The following SKIL variants were observed in gnomAD, a reference collection of about 807,000 sequenced individuals.
SKIL encodes the protein ski-like protein.
In SKIL, 20 loss-of-function variants were observed where a neutral mutation model predicts 69.6. The ratio of observed to expected loss-of-function variants is 0.29; its 90% CI spans 0.20 to 0.42. The LOEUF (loss-of-function observed/expected upper bound fraction) is 0.42, where lower values mean the gene tolerates loss of function less well. Ranked by LOEUF, SKIL falls within the 10% of genes least tolerant of loss-of-function variation. The pLI, the probability that SKIL is intolerant of heterozygous loss-of-function variation, is 1.00. For missense variants in SKIL, 745 were observed against 783.1 expected, an observed-to-expected ratio of 0.95 and a Z score of 0.58; for synonymous variants, 310 against 279.9, an observed-to-expected ratio of 1.11 and a Z score of -1.08.
At chr3:170,366,696 G>GACAC (rs376902100) in intron 2 of SKIL, among the ~76,000 whole-genome samples, 3,388 of 147,312 alleles carry the variant, frequency 0.023, 101 homozygotes, top group African/African-American at 0.068. Flanking sequence ...CACACACACA[G>GACAC]ACACACACAC....
chr3:170,384,998 C>T lies in SKIL; in HGVS notation c.1429+233C>T. 6.7e-6 allele frequency: 2 copies of T among 300,596 alleles called. 1 individual carries two copies. Among genetic ancestry groups the T allele is most frequent in the East Asian group, 1.1e-4 (2 of 17,396 alleles). 18.6% of individuals were successfully genotyped at this position (300,596 alleles called of 1,614,324 possible). ...TAGATACAGGCTACCTGGCCTCAGA[C>T]TGCAAGTTATTTTTGTCCGAATTTT... On this transcript the variant is annotated intron_variant, in intron 4 of 6. Transcript: ENST00000259119.
At chr3:170,359,148 A>T (rs929617721) in intron 1 of SKIL, among the ~76,000 whole-genome samples, 3 of 152,196 alleles carry the variant, frequency 2.0e-5, no homozygotes, top group African/African-American at 7.2e-5. Flanking sequence ...TCATATTCTG[A>T]ACTCGAAAGG....
At chr3:170,358,321 G>C (rs1054585264) in intron 1 of SKIL, among the ~76,000 whole-genome samples, 20 of 151,886 alleles carry the variant, frequency 1.3e-4, no homozygotes, top group Admixed American at 8.5e-4. Context: ...CGGCCCCCGC[G>C]GGGGGGCGGT....
At position 170,392,392 on chromosome 3, in the gene SKIL, A is replaced by T; in HGVS notation, c.2030A>T (p.Lys677Ile). 1.2e-6 allele frequency: 2 copies of T among 1,611,670 alleles called. No homozygotes were observed. The highest frequency in any genetic ancestry group is 1.7e-6 in the Non-Finnish European group (2 of 1,178,250). The change falls in exon 7 of 7, where the codon AAA becomes ATA. Residue 677 changes from lysine to isoleucine, a missense_variant. Transcript: ENST00000259119. ...AAAGAGCTAAAGCTGCAAATTCTGA[A>T]ATCATCAAAGACTGCTAAAGAATAG... The part of the protein sequence containing the change: ...MIKELKLQIL[K>I]SSKTAKE
At chr3:170,362,730 G>T (rs1736304873) in intron 2 of SKIL, among the ~76,000 whole-genome samples, 1 of 151,272 alleles carries the variant, frequency 6.6e-6, no homozygotes, top group Non-Finnish European at 1.5e-5. Flanking sequence ...CAGGAGAATC[G>T]CTTGAACCTG....
intron 4 of SKIL, 38 bp downstream of exon 4, chr3:170,384,803 C>T: frequency 9.5e-7 from 1 of 1,049,620 alleles, no homozygotes. Context: ...AATTAAATAT[C>T]TAATGAACAC....
intron 2 of SKIL, among the ~76,000 whole-genome samples, chr3:170,377,728 G>A (rs1279462599): frequency 7.3e-6 from 1 of 136,670 alleles, no homozygotes; most frequent in Non-Finnish European, 1.6e-5. Flanking sequence ...TTTTTTTTTT[G>A]TATTTTTAGT....
Position 170,392,479 on chromosome 3 carries a change from T to G in SKIL, c.*62T>G. ...AGGTTTTTTTTGTTTGTTGCTTGCTTTGGTAATTGAATTCTGAAGAATTTA... is the reference window on the plus strand; with the variant it reads ...AGGTTTTTTTTGTTTGTTGCTTGCTGTGGTAATTGAATTCTGAAGAATTTA... On this transcript the variant is annotated 3_prime_UTR_variant, in exon 7 of 7. Transcript: ENST00000259119. The G allele has an allele frequency of 9.3e-7, 1 of 1,076,216 alleles. No individual in the cohort carries two copies. Among genetic ancestry groups the G allele is most frequent in the Non-Finnish European group, 1.3e-6 (1 of 759,468 alleles). The allele number at this position is 1,076,216 out of a possible 1,614,324, so 66.7% of individuals were successfully genotyped here. A position where few individuals can be genotyped will look rare whatever the true frequency, so the allele number is the denominator to read the frequency against.
chr3:170,371,484 G>A, intron 2 of SKIL, among the ~76,000 whole-genome samples: 1 of 152,180 alleles, frequency 6.6e-6, no homozygotes, highest in Non-Finnish European at 1.5e-5. Flanking sequence ...TCCAGCCTGG[G>A]CAACAGAGTG....
At chr3:170,385,305 T>A (rs1399622090) in intron 4 of SKIL, among the ~76,000 whole-genome samples, 1 of 150,500 alleles carries the variant, frequency 6.6e-6, no homozygotes, top group African/African-American at 2.5e-5. Flanking sequence ...TTGCTCAAGC[T>A]GGTCTCGAAC....
At chr3:170,358,755 C>A (rs555255917) in intron 1 of SKIL, 6 of 152,288 alleles carry the variant, frequency 3.9e-5, no homozygotes, top group African/African-American at 1.4e-4. Context: ...CCTCTTCCTC[C>A]ATTTGCATTC....
At chr3:170,373,947 A>G (rs1373697701) in intron 2 of SKIL, among the ~76,000 whole-genome samples, 1 of 152,222 alleles carries the variant, frequency 6.6e-6, no homozygotes, top group African/African-American at 2.4e-5. Context: ...ACTTGTATGA[A>G]TAATGCTGAG....
chr3:170,357,781 G>C lies in SKIL; in HGVS notation c.-634+18G>C, dbSNP rs1021137900. 19 of 162,382 alleles carry C rather than the reference G, an allele frequency of 1.2e-4. No homozygotes were observed. Among genetic ancestry groups the C allele is most frequent in the Non-Finnish European group, 2.0e-4 (15 of 76,154 alleles). The allele number at this position is 162,382 out of a possible 1,614,324, so 10.1% of individuals were successfully genotyped here. A position where few individuals can be genotyped will look rare whatever the true frequency, so the allele number is the denominator to read the frequency against. On this transcript the variant is annotated intron_variant, in intron 1 of 6. Coordinates refer to ENST00000259119, the MANE Select transcript of SKIL (RefSeq NM_005414.5). Reference sequence around the variant, plus strand: ...GGGCACAGGTGCGGCTCCGGCTTACGGCGGCGACGCGGCGGAGGCGGCGGG... The same window carrying C: ...GGGCACAGGTGCGGCTCCGGCTTACCGCGGCGACGCGGCGGAGGCGGCGGG...
rs1461304540 is a variant in SKIL, at chr3:170,381,273, G to C, written c.1128G>C (p.Gln376His). 6.3e-7 allele frequency: 1 copy of C among 1,596,026 alleles called. No homozygotes were observed. Among genetic ancestry groups the C allele is most frequent in the Non-Finnish European group, 8.6e-7 (1 of 1,163,658 alleles). ...KTDAPSGMEL[Q>H]SWYPVIKQEG... ...ATGCACCATCAGGAATGGAATTACA[G>C]TCATGGTATCCTGTTATAAAGCAGG... Residue 376 changes from glutamine to histidine, a missense_variant, in exon 3 of 7, where the codon CAG becomes CAC. By Grantham distance (24) the Gln-to-His change is conservative. Transcript: ENST00000259119.
intron 3 of SKIL, among the ~76,000 whole-genome samples, chr3:170,381,943 C>G (rs1267097230): frequency 1.3e-5 from 2 of 151,564 alleles, no homozygotes; most frequent in Non-Finnish European, 2.9e-5. Context: ...TTAGCCGGGC[C>G]TGGTGGCGGG....
rs1738055766 is a variant in SKIL at position 170,393,968 on chromosome 3, A to G, written c.*1551A>G. On this transcript the variant is annotated 3_prime_UTR_variant, in exon 7 of 7. Transcript: ENST00000259119. ...CAAAAAGAATTTTGTACTTCCCCAA[A>G]TGTAATTTATTTACTAAATTGAGTA... 6.6e-6 allele frequency: 1 copy of G among 152,080 alleles called. No individual in the cohort carries two copies. The highest frequency in any genetic ancestry group is 1.5e-5 in the Non-Finnish European group (1 of 68,010). The allele number at this position is 152,080 out of a possible 1,614,324, so 9.4% of individuals were successfully genotyped here.
At chr3:170,384,490 T>C (rs1737517899) in intron 3 of SKIL, 43 bp from the exon 4 acceptor site, 1 of 877,136 alleles carries the variant, frequency 1.1e-6, no homozygotes, top group Non-Finnish European at 1.8e-6. Flanking sequence ...TACTTAATTG[T>C]AATATGTAAT....
intron 1 of SKIL, among the ~76,000 whole-genome samples, chr3:170,358,181 G>A (rs1736033900): frequency 6.6e-6 from 1 of 152,182 alleles, no homozygotes; most frequent in Non-Finnish European, 1.5e-5. Context: ...CGCCTAAACT[G>A]CCCTGGTGTC....
intron 4 of SKIL, among the ~76,000 whole-genome samples, chr3:170,386,373 G>C (rs937219856): frequency 6.6e-6 from 1 of 151,964 alleles, no homozygotes; most frequent in Non-Finnish European, 1.5e-5. Flanking sequence ...CAGGTGATCC[G>C]CCTGCCTCGG....
Sources: gnomAD v4.1 joint callset for allele counts (sites outside exome capture counted in the v4.1 genomes callset) on GRCh38, gnomAD v4.1.1 for gene constraint, MANE v1.5 for transcripts, NCBI Gene and HGNC (gene_info 2026-07-23, HGNC 2026-07-21) for gene names.